LARP4B: variants seen among roughly 807,000 people sequenced by gnomAD.
The protein encoded by LARP4B is la-related protein 4B.
In LARP4B, 12 loss-of-function variants were observed where a neutral mutation model predicts 89.8. The observed-to-expected ratio is 0.13, with a 90% CI of 0.09 to 0.22. The LOEUF is 0.22. Among genes scored for constraint, LARP4B ranks in the 10% least tolerant of loss-of-function variants. The probability of loss-of-function intolerance (pLI) is 1.00; values close to 1 mark genes in which losing one functional copy is unlikely to be tolerated. For missense variants in LARP4B, 757 were observed against 947.7 expected, an observed-to-expected ratio of 0.80 and a Z score of 2.64; for synonymous variants, 367 against 363.3, an observed-to-expected ratio of 1.01 and a Z score of -0.12.
intron 5 of LARP4B, among the ~76,000 whole-genome samples, chr10:854,973 G>C (rs999720888): frequency 7.2e-5 from 11 of 152,120 alleles, no homozygotes; most frequent in Non-Finnish European, 1.3e-4. Context: ...GTTTCACCTT[G>C]CATTTTTATG....
intron 1 of LARP4B, among the ~76,000 whole-genome samples, chr10:923,612 G>A (rs115095442): frequency 0.012 from 1,792 of 151,958 alleles, 30 homozygotes; most frequent in African/African-American, 0.041. Flanking sequence ...ATACAAATAT[G>A]TAATCAACAA....
chr10:908,033 C>G (rs1836542303), intron 1 of LARP4B, among the ~76,000 whole-genome samples: 1 of 152,154 alleles, frequency 6.6e-6, no homozygotes. Context: ...TGGTGAAACC[C>G]CATCTCTACT....
chr10:853,871 G>A (rs1022042912), intron 5 of LARP4B, among the ~76,000 whole-genome samples: 4 of 152,100 alleles, frequency 2.6e-5, no homozygotes, highest in African/African-American at 9.7e-5. Context: ...TCACGTGGAC[G>A]GACTCTTGCT....
intron 5 of LARP4B, among the ~76,000 whole-genome samples, chr10:846,016 A>G (rs556544216): frequency 6.6e-5 from 10 of 152,216 alleles, no homozygotes; most frequent in Admixed American, 3.9e-4. Context: ...CACCCCCATC[A>G]GCAAAAAGAA....
At chr10:934,882 G>A (rs72778232), upstream of LARP4B, among the ~76,000 whole-genome samples, 324 of 152,190 alleles carry the variant, frequency 2.1e-3, no homozygotes, top group Admixed American at 4.6e-3. Context: ...CAGTGGCGTC[G>A]CGGTTGGTCT....
chr10:821,919 C>T (rs1288070854), intron 13 of LARP4B, among the ~76,000 whole-genome samples: 4 of 152,190 alleles, frequency 2.6e-5, no homozygotes, highest in African/African-American at 7.2e-5. Flanking sequence ...TACTGAGCCA[C>T]AGGTGGGGCA....
chr10:957,910 C>T, the LARP4B span, among the ~76,000 whole-genome samples: 1 of 151,636 alleles, frequency 6.6e-6, no homozygotes, highest in Non-Finnish European at 1.5e-5. Context: ...CCTCCTCCCT[C>T]CTCAGCCTCC....
chr10:891,201 G>T (rs116231034), intron 1 of LARP4B, among the ~76,000 whole-genome samples: 2 of 150,758 alleles, frequency 1.3e-5, no homozygotes, highest in Non-Finnish European at 2.9e-5. Flanking sequence ...ATCTTATTAC[G>T]AACTAACCGC....
the LARP4B span, among the ~76,000 whole-genome samples, chr10:946,246 T>C: frequency 6.6e-6 from 1 of 152,208 alleles, no homozygotes; most frequent in Non-Finnish European, 1.5e-5. Context: ...CTAGCAAACA[T>C]AAAAATGACC....
intron 1 of LARP4B, among the ~76,000 whole-genome samples, chr10:906,199 AC>A (rs1180340980): frequency 6.6e-6 from 1 of 152,074 alleles, no homozygotes; most frequent in Non-Finnish European, 1.5e-5. Flanking sequence ...AGACAGGAAA[AC>A]CCTCTGAATA....
At chr10:847,983 ATAGG>A (rs1833859872) in intron 5 of LARP4B, among the ~76,000 whole-genome samples, 1 of 152,240 alleles carries the variant, frequency 6.6e-6, no homozygotes, top group Admixed American at 6.5e-5. Context: ...GGCTGATTGC[ATAGG>A]CCAGACAGCA....
chr10:914,478 TAC>T (rs1475442290), intron 1 of LARP4B, among the ~76,000 whole-genome samples: 1 of 150,240 alleles, frequency 6.7e-6, no homozygotes, highest in East Asian at 2.0e-4. Context: ...CAGCCTGGGC[TAC>T]AGAGGAAGAC....
At chr10:827,335 T>A (rs1832686798) in intron 11 of LARP4B, among the ~76,000 whole-genome samples, 1 of 152,188 alleles carries the variant, frequency 6.6e-6, no homozygotes, top group South Asian at 2.1e-4. Flanking sequence ...GATCTGAGGC[T>A]GTAAATCATG....
At chr10:965,527 G>T in the LARP4B span, among the ~76,000 whole-genome samples, 1 of 152,108 alleles carries the variant, frequency 6.6e-6, no homozygotes. Context: ...CAGCAGACGC[G>T]ATGGAAGAAT....
At chr10:891,410 C>T (rs1024527516) in intron 1 of LARP4B, among the ~76,000 whole-genome samples, 2 of 152,092 alleles carry the variant, frequency 1.3e-5, no homozygotes, top group African/African-American at 4.8e-5. Context: ...ACTGATAATA[C>T]TAAAAAATGA....
chr10:915,587 G>C (rs193218427), intron 1 of LARP4B, among the ~76,000 whole-genome samples: 2 of 152,048 alleles, frequency 1.3e-5, no homozygotes, highest in Non-Finnish European at 2.9e-5. Context: ...GGTGGATCAC[G>C]AGGTCAGGAG....
intron 1 of LARP4B, among the ~76,000 whole-genome samples, chr10:906,225 T>A (rs997844857): frequency 6.6e-6 from 1 of 152,260 alleles, no homozygotes; most frequent in African/African-American, 2.4e-5. Context: ...AATGCTTCTA[T>A]GACTCTTCTT....
rs193191013 is a variant in LARP4B, at chr10:854,909, T to A, written c.430+8834A>T. On this transcript the variant is annotated intron_variant, in intron 5 of 17. Coordinates refer to ENST00000316157, the MANE Select transcript of LARP4B (RefSeq NM_015155.3). The stretch of plus-strand genomic sequence containing the variant: ...TTTGTCTCGATTGAAAATCTGTCAT[T>A]TACTGTAGCCATCTTCATCAATTAT... Among the ~76,000 whole-genome samples, 19 of 152,350 alleles carry A rather than the reference T, an allele frequency of 1.2e-4. 1 individual carries two copies. In the East Asian group the frequency reaches 3.7e-3, roughly 29 times the overall value.
At chr10:928,791 A>G (rs1837223727) in intron 1 of LARP4B, among the ~76,000 whole-genome samples, 1 of 152,140 alleles carries the variant, frequency 6.6e-6, no homozygotes, top group Non-Finnish European at 1.5e-5. Flanking sequence ...TATGTTGCCC[A>G]GGCTGGTGAA....
Sources: allele counts gnomAD v4.1 joint callset (sites outside exome capture counted in the v4.1 genomes callset), GRCh38; gene constraint gnomAD v4.1.1; transcripts MANE v1.5; gene names NCBI Gene and HGNC (gene_info 2026-07-23, HGNC 2026-07-21).